RRBP1: variants seen among roughly 807,000 people sequenced by gnomAD.
RRBP1 encodes the protein ribosome-binding protein 1.
RRBP1 carries 94 observed loss-of-function variants against 165.2 expected under a neutral mutation model. That is an observed-to-expected ratio of 0.57 (90% CI 0.48 to 0.68). The LOEUF (loss-of-function observed/expected upper bound fraction) is 0.68. Among genes scored for constraint, RRBP1 ranks in the 30% least tolerant of loss-of-function variants. The probability of loss-of-function intolerance (pLI) is 0.00; values close to 1 mark genes in which losing one functional copy is unlikely to be tolerated. For missense variants in RRBP1, 1,676 were observed against 1,763.0 expected (o/e 0.95, Z 0.88); for synonymous variants, 680 against 714.5 (o/e 0.95, Z 0.77).
Position 17,621,741 on chromosome 20 carries a change from CTCTT to C in RRBP1, c.3269_3272del (p.Lys1090ArgfsTer7). The stretch of plus-strand genomic sequence containing the variant: ...GGTGCTTCAGCAGCGTGGGGCCTTT[CTCTT>C]TGAGATCCTGCAGCCACTCGGTGTA... On this transcript the variant is annotated frameshift_variant, in exon 15 of 25. Coordinates refer to ENST00000377813, the MANE Select transcript of RRBP1 (RefSeq NM_001365613.2). LOFTEE classifies it high-confidence loss of function. 6.2e-7 allele frequency: 1 copy of C among 1,613,872 alleles called. No homozygotes were observed. The highest frequency in any genetic ancestry group is 8.5e-7 in the Non-Finnish European group (1 of 1,180,024).
intron 2 of RRBP1, among the ~76,000 whole-genome samples, chr20:17,676,724 C>T (rs2037089076): frequency 6.6e-6 from 1 of 152,104 alleles, no homozygotes; most frequent in Admixed American, 6.5e-5. Flanking sequence ...CCCATTTTCC[C>T]CCAGAGAACC....
At chr20:17,634,766 C>T (rs908327874) in intron 7 of RRBP1, among the ~76,000 whole-genome samples, 5 of 152,222 alleles carry the variant, frequency 3.3e-5, no homozygotes, top group African/African-American at 1.2e-4. Flanking sequence ...AACCTCCAAC[C>T]AGCCGATGGC....
At chr20:17,640,317 CAAGCACGG>C (rs1416357924) in intron 5 of RRBP1, among the ~76,000 whole-genome samples, 1 of 152,174 alleles carries the variant, frequency 6.6e-6, no homozygotes, top group Admixed American at 6.5e-5. Context: ...TCCAGACATC[CAAGCACGG>C]AAGGGCATTA....
intron 7 of RRBP1, among the ~76,000 whole-genome samples, 162 bp from the exon 8 acceptor site, chr20:17,633,775 G>C (rs923596031): frequency 6.6e-6 from 1 of 152,216 alleles, no homozygotes; most frequent in African/African-American, 2.4e-5. Flanking sequence ...TGTGGGGTTG[G>C]GCATGTGTTT....
intron 2 of RRBP1, among the ~76,000 whole-genome samples, chr20:17,666,571 T>G (rs2122479656): frequency 6.6e-6 from 1 of 152,352 alleles, no homozygotes; most frequent in Non-Finnish European, 1.5e-5. Flanking sequence ...CTTTCTGATT[T>G]TTTTTAATAA....
intron 2 of RRBP1, among the ~76,000 whole-genome samples, chr20:17,665,329 AAACTT>A (rs772757330): frequency 5.3e-5 from 8 of 152,206 alleles, no homozygotes; most frequent in Non-Finnish European, 8.8e-5. Flanking sequence ...TTTTTTGACT[AAACTT>A]TGTGAGAATA....
chr20:17,675,257 T>G (rs1047065549), intron 2 of RRBP1, among the ~76,000 whole-genome samples: 5 of 152,268 alleles, frequency 3.3e-5, no homozygotes, highest in African/African-American at 2.4e-5. Context: ...CATTTGGCTC[T>G]GGAATATGTT....
At chr20:17,633,431 G>T in intron 8 of RRBP1, 29 bp downstream of exon 8, 1 of 1,603,960 alleles carries the variant, frequency 6.2e-7, no homozygotes, top group East Asian at 2.2e-5. Context: ...AGTGAACAGG[G>T]CACTGAGGCG....
rs192096092 is a variant in RRBP1 at position 17,630,857 on chromosome 20, G to A, written c.2611-896C>T. On this transcript the variant is annotated intron_variant, in intron 8 of 24. Transcript: ENST00000377813. Reference sequence around the variant, plus strand: ...AATAAGAGGCTGTGAGTTATCCCTCGTCAATGCCTTTACCAAGCTGATCCC... The same window carrying A: ...AATAAGAGGCTGTGAGTTATCCCTCATCAATGCCTTTACCAAGCTGATCCC... 1.2e-4 allele frequency among the ~76,000 whole-genome samples: 19 copies of A among 152,344 alleles called. No individual in the cohort carries two copies. In the East Asian group the frequency reaches 2.1e-3, roughly 17 times the overall value.
At chr20:17,633,295 A>G (rs1332025734) in intron 8 of RRBP1, among the ~76,000 whole-genome samples, 165 bp downstream of exon 8, 1 of 152,212 alleles carries the variant, frequency 6.6e-6, no homozygotes, top group African/African-American at 2.4e-5. Context: ...AAGGAGACTA[A>G]GGTGAAGAGT....
intron 2 of RRBP1, among the ~76,000 whole-genome samples, chr20:17,679,098 T>C (rs1175654351): frequency 6.6e-6 from 1 of 152,216 alleles, no homozygotes; most frequent in African/African-American, 2.4e-5. Context: ...GGAACTGGCC[T>C]GACAACCTTC....
At chr20:17,681,398 G>T (rs2037183518) in intron 1 of RRBP1, among the ~76,000 whole-genome samples, 1 of 147,632 alleles carries the variant, frequency 6.8e-6, no homozygotes, top group Non-Finnish European at 1.5e-5. Context: ...CCTGCGCCGC[G>T]AGCCCTGCGG....
chr20:17,624,807 C>T (rs2035984860), intron 12 of RRBP1, 139 bp from the exon 13 acceptor site: 1 of 657,244 alleles, frequency 1.5e-6, no homozygotes, highest in Non-Finnish European at 2.7e-6. Flanking sequence ...GGACAAAATG[C>T]CCCTTCCTTG....
At chr20:17,620,245 C>G (rs1211238555) in intron 18 of RRBP1, 54 bp downstream of exon 18, 2 of 1,404,632 alleles carry the variant, frequency 1.4e-6, no homozygotes, top group East Asian at 4.6e-5. Context: ...ATTAACGTCA[C>G]TTTCAAAGAG....
intron 2 of RRBP1, among the ~76,000 whole-genome samples, chr20:17,674,802 C>A (rs1366197743): frequency 6.6e-6 from 1 of 152,146 alleles, no homozygotes; most frequent in African/African-American, 2.4e-5. Flanking sequence ...ACATTCTTGC[C>A]CACTAAACAC....
Position 17,633,510 on chromosome 20 carries a change from C to T in RRBP1, c.2560G>A (p.Ala854Thr), listed in dbSNP as rs114050790. 1.2e-6 allele frequency: 2 copies of T among 1,614,038 alleles called. No individual in the cohort carries two copies. The highest frequency in any genetic ancestry group is 2.7e-5 in the African/African-American group (2 of 75,068). Residue 854 changes from alanine (A) to threonine (T), a missense_variant, in exon 8 of 25, where the codon GCT becomes ACT. Transcript: ENST00000377813. ...AVRQDEQQRK[A>T]LEAKAAAFEK... The stretch of plus-strand genomic sequence containing the variant: ...AAGGCAGCTGCCTTGGCTTCCAGAG[C>T]TTTCCGCTGCTGCTCATCTTGCCGC...
rs1292503841 is a variant in RRBP1 at position 17,643,553 on chromosome 20, G to A, written c.1913-426C>T. Among the ~76,000 whole-genome samples, 1 of 151,940 alleles carries A rather than the reference G, an allele frequency of 6.6e-6. No individual in the cohort carries two copies. Among genetic ancestry groups the A allele is most frequent in the Non-Finnish European group, 1.5e-5 (1 of 67,996 alleles). ...TCCCCACTGGCTGTGACTGAGCCCCGTGGCCTTGTGGGACCTGACTGGGCA... is the reference window on the plus strand; with the variant it reads ...TCCCCACTGGCTGTGACTGAGCCCCATGGCCTTGTGGGACCTGACTGGGCA... On this transcript the variant is annotated intron_variant, in intron 3 of 24. Coordinates refer to ENST00000377813, the MANE Select transcript of RRBP1 (RefSeq NM_001365613.2). This position sits in a 1 kb window ranked among gnomAD's most constrained non-coding sequence, Gnocchi z 4.3.
At chr20:17,676,497 T>C (rs2037084958) in intron 2 of RRBP1, among the ~76,000 whole-genome samples, 1 of 152,020 alleles carries the variant, frequency 6.6e-6, no homozygotes, top group Admixed American at 6.6e-5. Flanking sequence ...AACCAGTGCT[T>C]CTCCCACTGC....
chr20:17,621,314 C>T, intron 16 of RRBP1, 144 bp downstream of exon 16: 1 of 628,134 alleles, frequency 1.6e-6, no homozygotes, highest in South Asian at 1.9e-5. Context: ...ATCCATTTAC[C>T]ATGCAGCCGA....
Sources: gnomAD v4.1 joint callset for allele counts (sites outside exome capture counted in the v4.1 genomes callset) on GRCh38, gnomAD v4.1.1 for gene constraint, Gnocchi (gnomAD v3.1) non-coding constraint, MANE v1.5 for transcripts, NCBI Gene and HGNC (gene_info 2026-07-23, HGNC 2026-07-21) for gene names.